RYR3: variants seen among roughly 807,000 people sequenced by gnomAD.
The protein encoded by RYR3 is ryanodine receptor 3, also known as brain ryanodine receptor-calcium release channel.
A neutral mutation model predicts 584.3 loss-of-function variants in RYR3; 207 were observed. That is an observed-to-expected ratio of 0.35 (90% CI 0.32 to 0.40). RYR3 has a LOEUF of 0.40. Among genes scored for constraint, RYR3 ranks in the 10% least tolerant of loss-of-function variants. RYR3 has a pLI of 1.00. For synonymous variants in RYR3, 2,416 were observed against 2,248.5 expected (o/e 1.07, Z -2.11); for missense variants, 5,616 against 6,089.2 (o/e 0.92, Z 2.59).
At position 33,540,841 on chromosome 15, in the gene RYR3, A is replaced by G; in HGVS notation, c.597A>G (p.Gln199=). The change falls in exon 7 of 104, where the codon CAA becomes CAG. Residue 199 remains glutamine, a synonymous_variant. Coordinates refer to ENST00000634891, the MANE Select transcript of RYR3 (RefSeq NM_001036.6). ...GNIQVDASFM[Q]TLWNVHPTCS... ...TACAAGTGGATGCCTCCTTTATGCAAACACTCTGGAATGTACATCCTACGT... is the reference window on the plus strand; with the variant it reads ...TACAAGTGGATGCCTCCTTTATGCAGACACTCTGGAATGTACATCCTACGT... 1 of 1,613,094 alleles carries G rather than the reference A, an allele frequency of 6.2e-7. No homozygotes were observed. Among genetic ancestry groups the G allele is most frequent in the Non-Finnish European group, 8.5e-7 (1 of 1,179,204 alleles).
rs577819475 is a variant in RYR3 at position 33,435,821 on chromosome 15, T to C, written c.52-37598T>C. Among the ~76,000 whole-genome samples, 3 of 152,204 alleles carry C rather than the reference T, an allele frequency of 2.0e-5. No individual in the cohort carries two copies. The South Asian group carries it at 6.2e-4, about 32-fold the overall frequency. ...AAAGAGTGAGCAGCAGCAGCAAGAT[T>C]TATTATGAAGAGCTACAGAACAAAG... On this transcript the variant is annotated intron_variant, in intron 1 of 103. Coordinates refer to ENST00000634891, the MANE Select transcript of RYR3 (RefSeq NM_001036.6).
chr15:33,821,240 A>C, intron 78 of RYR3, 30 bp from the exon 79 acceptor site: 1 of 1,512,116 alleles, frequency 6.6e-7, no homozygotes, highest in Non-Finnish European at 8.8e-7. Flanking sequence ...GTAGGAACCA[A>C]TCTTTCCCTG....
At chr15:33,350,590 C>G (rs1331067487) in intron 1 of RYR3, among the ~76,000 whole-genome samples, 2 of 151,832 alleles carry the variant, frequency 1.3e-5, no homozygotes, top group Non-Finnish European at 2.9e-5. Context: ...CAAACTAGAA[C>G]TCAGGATTAA....
At chr15:33,402,555 A>G (rs1277533649) in intron 1 of RYR3, among the ~76,000 whole-genome samples, 1 of 152,234 alleles carries the variant, frequency 6.6e-6, no homozygotes, top group East Asian at 1.9e-4. Context: ...CTAGAGCACT[A>G]TTTAGAGCTG....
rs1160800004 is a variant in RYR3, at chr15:33,548,114, C to G, written c.741-16C>G. 3 of 1,603,220 alleles carry G rather than the reference C, an allele frequency of 1.9e-6. No individual in the cohort carries two copies. Among genetic ancestry groups the G allele is most frequent in the Non-Finnish European group, 2.6e-6 (3 of 1,171,990 alleles). On this transcript the variant is annotated splice_polypyrimidine_tract_variant and intron_variant, in intron 8 of 103. Coordinates refer to ENST00000634891, the MANE Select transcript of RYR3 (RefSeq NM_001036.6). ...GTGTCATGCAAGTAGGAGCTGATCT[C>G]CAACTCTGCTCACAGGAGGATATTC... is the stretch of plus-strand genomic sequence containing the variant.
chr15:33,641,317 C>G (rs1223353746), intron 27 of RYR3, among the ~76,000 whole-genome samples: 1 of 152,192 alleles, frequency 6.6e-6, no homozygotes, highest in African/African-American at 2.4e-5. Context: ...CTTTCTAGGT[C>G]TCAGTTTCCT....
At chr15:33,560,455 T>TTTC (rs1555528436) in intron 10 of RYR3, among the ~76,000 whole-genome samples, 1 of 151,870 alleles carries the variant, frequency 6.6e-6, no homozygotes, top group Non-Finnish European at 1.5e-5. Flanking sequence ...CTTTGTATTT[T>TTTC]TTTTTTGCAA....
intron 1 of RYR3, among the ~76,000 whole-genome samples, chr15:33,447,959 G>A (rs1245267993): frequency 6.6e-6 from 1 of 152,214 alleles, no homozygotes; most frequent in Non-Finnish European, 1.5e-5. Flanking sequence ...AAATTGGAAA[G>A]TAGCAGAGAC....
At chr15:33,843,085 C>T (rs774337367) in intron 91 of RYR3, among the ~76,000 whole-genome samples, 26 of 151,676 alleles carry the variant, frequency 1.7e-4, no homozygotes. Flanking sequence ...TTTGGGAGGC[C>T]GAGATGGGTG....
intron 1 of RYR3, among the ~76,000 whole-genome samples, chr15:33,337,011 A>G (rs1343966748): frequency 7.8e-6 from 1 of 128,760 alleles, no homozygotes; most frequent in African/African-American, 2.9e-5. Context: ...GAGCCGAGAT[A>G]GTGCCGCTGC....
intron 12 of RYR3, among the ~76,000 whole-genome samples, chr15:33,578,354 A>C (rs2058406997): frequency 1.3e-5 from 2 of 152,202 alleles, no homozygotes; most frequent in Middle Eastern, 3.2e-3. Flanking sequence ...CGTAGAATCA[A>C]CCCAAATGCC....
intron 82 of RYR3, 45 bp downstream of exon 82, chr15:33,825,721 A>ATTT: frequency 2.9e-6 from 3 of 1,039,740 alleles, no homozygotes; most frequent in Non-Finnish European, 4.2e-6. Flanking sequence ...CCTGATTAAA[A>ATTT]TCTTTTTTTT....
rs2077110766 is a variant in RYR3, at chr15:33,821,607, CG to C, written c.10995+8del. On this transcript the variant is annotated splice_donor_region_variant and intron_variant, in intron 80 of 103. Transcript: ENST00000634891. ...GGCAATGCTGGTGTGCAACAGGTAA[CG>C]GGAACTTGCAGCGGCTGGGCAGGCT... 2.5e-6 allele frequency: 4 copies of C among 1,613,640 alleles called. No individual in the cohort carries two copies. The highest frequency in any genetic ancestry group is 3.4e-6 in the Non-Finnish European group (4 of 1,179,762).
In RYR3 at chr15:33,865,240, A is replaced by C; in HGVS notation, c.*14A>C. ...CAGCTTGGATAAATCTGAATCAAAG[A>C]AGCGCGACAATTCTGGACAGTCAAC... On this transcript the variant is annotated 3_prime_UTR_variant, in exon 104 of 104. Coordinates refer to ENST00000634891, the MANE Select transcript of RYR3 (RefSeq NM_001036.6). The C allele has an allele frequency of 1.3e-6, 2 of 1,592,854 alleles. No individual in the cohort carries two copies. The highest frequency in any genetic ancestry group is 1.7e-6 in the Non-Finnish European group (2 of 1,161,048).
intron 47 of RYR3, among the ~76,000 whole-genome samples, chr15:33,729,385 C>T (rs1430505698): frequency 1.3e-5 from 2 of 152,124 alleles, no homozygotes; most frequent in Non-Finnish European, 2.9e-5. Context: ...AAATCAATTT[C>T]AGATATCACC....
chr15:33,487,273 T>A (rs1024935849), intron 2 of RYR3, among the ~76,000 whole-genome samples: 1 of 150,918 alleles, frequency 6.6e-6, no homozygotes, highest in Non-Finnish European at 1.5e-5. Flanking sequence ...AGGGTTGGAA[T>A]GGGCAAAAGG....
intron 60 of RYR3, chr15:33,757,839 C>T (rs1015827789): frequency 1.9e-5 from 10 of 517,514 alleles, no homozygotes; most frequent in African/African-American, 5.7e-5. Context: ...AAATCAACAT[C>T]GGGACAGAGA....
chr15:33,419,968 T>G (rs1376870790), intron 1 of RYR3, among the ~76,000 whole-genome samples: 3 of 152,194 alleles, frequency 2.0e-5, no homozygotes, highest in African/African-American at 7.2e-5. Context: ...TTTCGTATTT[T>G]GCAGCTGAAG....
intron 65 of RYR3, 24 bp from the exon 66 acceptor site, chr15:33,785,638 C>G: frequency 6.6e-7 from 1 of 1,525,132 alleles, no homozygotes; most frequent in South Asian, 1.3e-5. Context: ...GAATTTCTGT[C>G]CCTTTATTCT....
Sources: allele counts gnomAD v4.1 joint callset (sites outside exome capture counted in the v4.1 genomes callset), GRCh38; gene constraint gnomAD v4.1.1; transcripts MANE v1.5; gene names NCBI Gene and HGNC (gene_info 2026-07-23, HGNC 2026-07-21).